The following TTC39A variants were observed in gnomAD, a reference collection of about 807,000 sequenced individuals.
TTC39A encodes tetratricopeptide repeat domain 39A, also known as tetratricopeptide repeat protein 39A.
A neutral mutation model predicts 82.3 loss-of-function variants in TTC39A; 46 were observed. That is an observed-to-expected ratio of 0.56 (90% CI 0.44 to 0.71). TTC39A has a LOEUF of 0.71. Among genes scored for constraint, TTC39A ranks in the 30% least tolerant of loss-of-function variants. The pLI is 0.00. For missense variants in TTC39A, 543 were observed against 712.9 expected (o/e 0.76, Z 2.71); for synonymous variants, 254 against 275.2 (o/e 0.92, Z 0.76).
chr1:51,322,037 G>C (rs889221545), intron 1 of TTC39A: 3 of 1,510,658 alleles, frequency 2.0e-6, no homozygotes, highest in Non-Finnish European at 1.8e-6. Context: ...GAGCAGAAGG[G>C]AATGTCATCA....
chr1:51,308,104 G>T (rs1644941079), intron 6 of TTC39A, among the ~76,000 whole-genome samples: 1 of 152,122 alleles, frequency 6.6e-6, no homozygotes, highest in African/African-American at 2.4e-5. Context: ...TGCTGTCACT[G>T]TAAATTTATC....
At chr1:51,335,642 C>T (rs1055833132), upstream of TTC39A, among the ~76,000 whole-genome samples, 1 of 151,374 alleles carries the variant, frequency 6.6e-6, no homozygotes, top group Non-Finnish European at 1.5e-5. Context: ...TTTGTAATAG[C>T]ATTACCTCCC....
chr1:51,323,169 C>A (rs1394529532), intron 1 of TTC39A, among the ~76,000 whole-genome samples: 1 of 152,084 alleles, frequency 6.6e-6, no homozygotes, highest in Non-Finnish European at 1.5e-5. Flanking sequence ...CTCCTCTACC[C>A]AATTCCCCAA....
intron 14 of TTC39A, among the ~76,000 whole-genome samples, chr1:51,293,954 G>T (rs1315351837): frequency 6.6e-6 from 1 of 152,252 alleles, no homozygotes; most frequent in Non-Finnish European, 1.5e-5. Context: ...GGGCAGCCTT[G>T]AATATAGCAA....
Position 51,288,145 on chromosome 1 carries a change from T to C in TTC39A, c.*12A>G. ...CTGTCTCTGTCTTCCAGCCCGGAAC[T>C]GCTGCACAAAGCTACAAGGACACTG... On this transcript the variant is annotated 3_prime_UTR_variant, in exon 18 of 18. Coordinates refer to ENST00000680483, the MANE Select transcript of TTC39A (RefSeq NM_001297663.2). The surrounding 1 kb of genome is among the most constrained non-coding windows in gnomAD (Gnocchi z 4.8). The C allele has an allele frequency of 6.2e-7, 1 of 1,613,990 alleles. No homozygotes were observed. Among genetic ancestry groups the C allele is most frequent in the Non-Finnish European group, 8.5e-7 (1 of 1,179,864 alleles).
rs545941993 is a variant in TTC39A, at chr1:51,314,787, T to C, written c.147-1844A>G. 5.3e-5 allele frequency among the ~76,000 whole-genome samples: 8 copies of C among 152,328 alleles called. No individual in the cohort carries two copies. The South Asian group carries it at 1.2e-3, about 24-fold the overall frequency. ...CAGCTACCAGCTGTGTGACCTGGCA[T>C]GTCTCATGTCTCATAGCCTCTCTGA... On this transcript the variant is annotated intron_variant, in intron 2 of 17. Coordinates refer to ENST00000680483, the MANE Select transcript of TTC39A (RefSeq NM_001297663.2).
chr1:51,305,033 C>A (rs372472049), intron 8 of TTC39A, 48 bp downstream of exon 8: 275 of 1,603,796 alleles, frequency 1.7e-4, no homozygotes, highest in Non-Finnish European at 2.1e-4. Context: ...AGCCCAGCCC[C>A]AGTTCTGGGG....
At chr1:51,331,236 T>G, upstream of TTC39A, 2 of 1,258,904 alleles carry the variant, frequency 1.6e-6, no homozygotes, top group Non-Finnish European at 2.2e-6. Flanking sequence ...CTTGGCCCCC[T>G]CTCCCCTGCA....
chr1:51,322,086 T>G, intron 1 of TTC39A: 1 of 1,550,216 alleles, frequency 6.5e-7, no homozygotes, highest in Non-Finnish European at 8.7e-7. Context: ...AAGGGCAAGG[T>G]GCAAAGAGGC....
At chr1:51,344,956 G>C in intron 1 of TTC39A, 1 of 1,525,078 alleles carries the variant, frequency 6.6e-7, no homozygotes, top group East Asian at 2.7e-5. Context: ...GGTCCCGTCC[G>C]CGCCTTCCGC....
In TTC39A at chr1:51,303,200, G is replaced by A; in HGVS notation, c.655-8C>T. 1 of 494,592 alleles carries A rather than the reference G, an allele frequency of 2.0e-6. No homozygotes were observed. The highest frequency in any genetic ancestry group is 4.0e-6 in the Non-Finnish European group (1 of 249,270). 30.6% of individuals were successfully genotyped at this position (494,592 alleles called of 1,614,324 possible). ...CTGCAGCAGCCCATAGTCCTGAGGG[G>A]ATGGGAGGGTGGGTGAGGCTCCCAG... On this transcript the variant is annotated splice_polypyrimidine_tract_variant and splice_region_variant and intron_variant, in intron 8 of 17. Coordinates refer to ENST00000680483, the MANE Select transcript of TTC39A (RefSeq NM_001297663.2).
Position 51,309,815 on chromosome 1 carries a change from CAGA to C in TTC39A, c.424-493_424-491del, listed in dbSNP as rs1168659313. On this transcript the variant is annotated intron_variant, in intron 5 of 17. Transcript: ENST00000680483. ...CAGAAACAGCCCAAATGGCCACCAG[CAGA>C]AGGACAGATAAACAAACTGCGGTGT... Among the ~76,000 whole-genome samples, 5 of 152,078 alleles carry C rather than the reference CAGA, an allele frequency of 3.3e-5. No homozygotes were observed. The East Asian group carries it at 7.7e-4, about 23-fold the overall frequency.
upstream of TTC39A, among the ~76,000 whole-genome samples, chr1:51,336,330 C>T (rs537839831): frequency 2.0e-5 from 3 of 152,202 alleles, no homozygotes; most frequent in East Asian, 5.8e-4. Context: ...GCTCTGTGAC[C>T]TTTGGCAAGT....
chr1:51,294,647 T>TAA lies in TTC39A; in HGVS notation c.1146-138_1146-137dup. On this transcript the variant is annotated intron_variant, in intron 13 of 17. Coordinates refer to ENST00000680483, the MANE Select transcript of TTC39A (RefSeq NM_001297663.2). The surrounding 1 kb of genome is among the most constrained non-coding windows in gnomAD (Gnocchi z 4.3). ...TCTGCACAATGACAGTGTTAGACTCTAAAGAGCCTTCTAGGTCTGAAATAG... is the reference window on the plus strand; with the variant it reads ...TCTGCACAATGACAGTGTTAGACTCTAAAAAGAGCCTTCTAGGTCTGAAATAG... 7.5e-7 allele frequency: 1 copy of TAA among 1,327,852 alleles called. No individual in the cohort carries two copies. 82.3% of individuals were successfully genotyped at this position (1,327,852 alleles called of 1,614,324 possible). A position where few individuals can be genotyped will look rare whatever the true frequency, so the allele number is the denominator to read the frequency against.
chr1:51,316,685 GC>G (rs1194194567), intron 2 of TTC39A, among the ~76,000 whole-genome samples: 1 of 152,136 alleles, frequency 6.6e-6, no homozygotes, highest in Non-Finnish European at 1.5e-5. Flanking sequence ...ACACCACCTG[GC>G]CCCTCGCTCT....
At chr1:51,309,450 G>A (rs754335938) in intron 5 of TTC39A, 125 bp from the exon 6 acceptor site, 28 of 1,539,538 alleles carry the variant, frequency 1.8e-5, no homozygotes, top group Middle Eastern at 3.5e-4. Context: ...TGAGGTCGGA[G>A]GTCAGCCAAA....
At chr1:51,318,310 G>A (rs983865522) in intron 2 of TTC39A, among the ~76,000 whole-genome samples, 2 of 152,166 alleles carry the variant, frequency 1.3e-5, no homozygotes, top group Admixed American at 6.5e-5. Context: ...GAGCTGGAGA[G>A]CCTTCCAAGA....
intron 8 of TTC39A, 70 bp downstream of exon 8, chr1:51,305,011 C>T (rs548902131): frequency 1.9e-5 from 29 of 1,564,218 alleles, no homozygotes; most frequent in Non-Finnish European, 2.1e-5. Flanking sequence ...GCCTGTCAGC[C>T]CCACCCTGTG....
At chr1:51,301,841 G>C in intron 11 of TTC39A, 108 bp from the exon 12 acceptor site, 1 of 1,481,864 alleles carries the variant, frequency 6.7e-7, no homozygotes, top group African/African-American at 1.4e-5. Context: ...CCAGGGCATA[G>C]TGGTCCAGCC....
Sources: allele counts gnomAD v4.1 joint callset (sites outside exome capture counted in the v4.1 genomes callset), GRCh38; gene constraint gnomAD v4.1.1; non-coding constraint Gnocchi (gnomAD v3.1); transcripts MANE v1.5; gene names NCBI Gene and HGNC (gene_info 2026-07-23, HGNC 2026-07-21).